Variants in KIAA1217 observed in about 807,000 individuals in gnomAD.
KIAA1217 encodes the protein KIAA1217, also known as sickle tail protein homolog.
In KIAA1217, 88 loss-of-function variants were observed where a neutral mutation model predicts 163.9. The ratio of observed to expected loss-of-function variants is 0.54; its 90% confidence interval spans 0.45 to 0.64. KIAA1217 has a LOEUF of 0.64. Ranked by LOEUF, KIAA1217 falls within the 30% of genes least tolerant of loss-of-function variation. KIAA1217 has a pLI of 0.00. For synonymous variants in KIAA1217, 903 were observed against 923.1 expected (o/e 0.98, Z 0.39); for missense variants, 2,372 against 2,475.0 (o/e 0.96, Z 0.88).
At chr10:24,080,089 A>G (rs982981654) in intron 2 of KIAA1217, among the ~76,000 whole-genome samples, 9 of 152,168 alleles carry the variant, frequency 5.9e-5, no homozygotes, top group African/African-American at 1.9e-4. Context: ...GTGCCCCCAC[A>G]TCCTTCAAAT....
chr10:24,494,913 G>T (rs564504702), intron 7 of KIAA1217: 2 of 579,426 alleles, frequency 3.5e-6, no homozygotes, highest in Non-Finnish European at 6.1e-6. Flanking sequence ...GCGTGTCCAC[G>T]TCGCCATCAT....
At chr10:24,113,473 C>T (rs2062934235) in intron 2 of KIAA1217, among the ~76,000 whole-genome samples, 1 of 152,158 alleles carries the variant, frequency 6.6e-6, no homozygotes, top group Admixed American at 6.5e-5. Flanking sequence ...CAGTTTGTTC[C>T]TGCAAGAGTG....
intron 1 of KIAA1217, among the ~76,000 whole-genome samples, chr10:23,789,747 G>A (rs146561629): frequency 1.3e-5 from 2 of 151,772 alleles, no homozygotes; most frequent in African/African-American, 4.8e-5. Flanking sequence ...GCCAACTTTG[G>A]TTATAAGTAT....
chr10:23,866,386 T>G (rs1437671010), intron 1 of KIAA1217, among the ~76,000 whole-genome samples: 1 of 152,162 alleles, frequency 6.6e-6, no homozygotes, highest in Non-Finnish European at 1.5e-5. Context: ...GGGTGAAAAT[T>G]TAGTAAAACA....
rs185072132 is a variant in KIAA1217 at position 24,181,694 on chromosome 10, T to C, written c.-170-37932T>C. 1.9e-3 allele frequency among the ~76,000 whole-genome samples: 286 copies of C among 152,344 alleles called. 1 individual carries two copies. The highest frequency in any genetic ancestry group is 0.014 in the Middle Eastern group (4 of 294). On this transcript the variant is annotated intron_variant, in intron 2 of 18. Coordinates refer to the KIAA1217 transcript ENST00000376462. Reference sequence around the variant, plus strand: ...TTCCAGGAGAAAGGAGATGATAGTTTTGTCCAGGTTGGTGGTAGTAGGATG... The same window carrying C: ...TTCCAGGAGAAAGGAGATGATAGTTCTGTCCAGGTTGGTGGTAGTAGGATG...
At chr10:24,154,402 G>A (rs2064782241) in intron 2 of KIAA1217, among the ~76,000 whole-genome samples, 1 of 152,048 alleles carries the variant, frequency 6.6e-6, no homozygotes, top group African/African-American at 2.4e-5. Flanking sequence ...ACTCCAGCCT[G>A]GCTGACAGAA....
chr10:24,072,258 C>A (rs535960631), intron 2 of KIAA1217, among the ~76,000 whole-genome samples: 2 of 152,074 alleles, frequency 1.3e-5, no homozygotes, highest in African/African-American at 2.4e-5. Context: ...AAACTCCTAG[C>A]CTCAAGCAAT....
At chr10:24,286,729 C>A (rs1420863434) in intron 2 of KIAA1217, among the ~76,000 whole-genome samples, 1 of 152,140 alleles carries the variant, frequency 6.6e-6, no homozygotes, top group African/African-American at 2.4e-5. Context: ...TGGTAAAAAT[C>A]CTAATTCTGG....
At chr10:23,955,593 T>C (rs992807690) in intron 1 of KIAA1217, among the ~76,000 whole-genome samples, 5 of 152,312 alleles carry the variant, frequency 3.3e-5, no homozygotes, top group African/African-American at 1.2e-4. Flanking sequence ...CGTTAGTCTG[T>C]AGCTGGTAGG....
intron 2 of KIAA1217, among the ~76,000 whole-genome samples, chr10:24,306,018 TAAAAA>T (rs1167538190): frequency 6.6e-6 from 1 of 152,032 alleles, no homozygotes; most frequent in African/African-American, 2.4e-5. Flanking sequence ...ACGTCAGAGT[TAAAAA>T]AGAAGAGAGT....
rs537563183 is a variant in KIAA1217 at position 24,332,224 on chromosome 10, C to T, written c.355-48645C>T. Among the ~76,000 whole-genome samples, 31 of 152,246 alleles carry T rather than the reference C, an allele frequency of 2.0e-4. No individual in the cohort carries two copies. The South Asian group carries it at 5.2e-3, about 25-fold the overall frequency. On this transcript the variant is annotated intron_variant, in intron 2 of 20. Transcript: ENST00000376454. ...ATGAGGAGAAGAGCTGACAAAAGGC[C>T]GTTATAGCAGACTTTGGATTAAAAT...
At chr10:24,341,762 C>G (rs1034248492) in intron 2 of KIAA1217, among the ~76,000 whole-genome samples, 1 of 152,038 alleles carries the variant, frequency 6.6e-6, no homozygotes, top group African/African-American at 2.4e-5. Context: ...TAACTAATAG[C>G]CTTAGACAAG....
At chr10:24,474,134 A>G (rs774526955) in intron 6 of KIAA1217, 74 bp downstream of exon 6, 3 of 1,074,422 alleles carry the variant, frequency 2.8e-6, no homozygotes, top group East Asian at 2.4e-5. Context: ...ACAGGGGTCA[A>G]ACCGACAGAA....
intron 1 of KIAA1217, among the ~76,000 whole-genome samples, chr10:23,892,651 G>C (rs1841464182): frequency 6.6e-6 from 1 of 151,902 alleles, no homozygotes; most frequent in Admixed American, 6.6e-5. Flanking sequence ...AATTTGCACA[G>C]TGTAGCTCAT....
chr10:24,361,846 G>T (rs1432907777), intron 2 of KIAA1217, among the ~76,000 whole-genome samples: 3 of 151,694 alleles, frequency 2.0e-5, no homozygotes, highest in African/African-American at 7.3e-5. Context: ...GTGGTGGCGG[G>T]CGCCTGTAGT....
intron 2 of KIAA1217, among the ~76,000 whole-genome samples, chr10:24,332,644 T>C (rs1045972136): frequency 1.3e-5 from 2 of 152,150 alleles, no homozygotes; most frequent in East Asian, 3.9e-4. Flanking sequence ...TGCGTATCCA[T>C]AAGTCACACC....
At chr10:24,333,032 T>C (rs1370608312) in intron 2 of KIAA1217, among the ~76,000 whole-genome samples, 1 of 152,064 alleles carries the variant, frequency 6.6e-6, no homozygotes, top group Non-Finnish European at 1.5e-5. Flanking sequence ...GTGTGTGTGT[T>C]ATTTTTTGAG....
chr10:24,065,393 G>A (rs1320429583), intron 2 of KIAA1217, among the ~76,000 whole-genome samples: 7 of 151,972 alleles, frequency 4.6e-5, no homozygotes, highest in African/African-American at 7.3e-5. Flanking sequence ...CCTTCATTTC[G>A]TTATTTACCC....
chr10:23,747,825 A>G (rs1839493380), intron 1 of KIAA1217, among the ~76,000 whole-genome samples: 1 of 152,110 alleles, frequency 6.6e-6, no homozygotes, highest in African/African-American at 2.4e-5. Context: ...TGATGAATCC[A>G]TCTCCATGTT....
Sources: gnomAD v4.1 joint callset for allele counts (sites outside exome capture counted in the v4.1 genomes callset) on GRCh38, gnomAD v4.1.1 for gene constraint, MANE v1.5 for transcripts, NCBI Gene and HGNC (gene_info 2026-07-23, HGNC 2026-07-21) for gene names.